Variants in OXCT1 observed in about 807,000 individuals in gnomAD.
OXCT1 encodes the protein succinyl-CoA:3-ketoacid coenzyme A transferase 1, mitochondrial.
OXCT1 carries 27 observed loss-of-function variants against 69.6 expected under a neutral mutation model. The observed-to-expected ratio is 0.39, with a 90% CI of 0.29 to 0.54. The LOEUF is 0.54. Ranked by LOEUF, OXCT1 falls within the 20% of genes least tolerant of loss-of-function variation. The probability of loss-of-function intolerance (pLI) is 0.72; values close to 1 mark genes in which losing one functional copy is unlikely to be tolerated. For synonymous variants in OXCT1, 202 were observed against 217.8 expected, an observed-to-expected ratio of 0.93 and a Z score of 0.64; for missense variants, 437 against 650.2, an observed-to-expected ratio of 0.67 and a Z score of 3.57.
chr5:41,825,038 C>T (rs867131641), intron 7 of OXCT1, among the ~76,000 whole-genome samples: 1 of 152,180 alleles, frequency 6.6e-6, no homozygotes, highest in South Asian at 2.1e-4. Context: ...AAATGAATCA[C>T]CCAGATCCTT....
At chr5:41,861,539 T>C (rs1449261722) in intron 2 of OXCT1, 135 bp from the exon 3 acceptor site, 3 of 709,930 alleles carry the variant, frequency 4.2e-6, no homozygotes, top group Non-Finnish European at 5.1e-6. Context: ...TACACAGATA[T>C]ATCTCAGCAG....
At chr5:41,806,152 T>C (rs1015470181) in intron 8 of OXCT1, among the ~76,000 whole-genome samples, 1 of 152,056 alleles carries the variant, frequency 6.6e-6, no homozygotes, top group African/African-American at 2.4e-5. Context: ...ACAGGAATCA[T>C]AGAAATACCC....
At chr5:41,782,547 TCTTTTG>T (rs1745459315) in intron 13 of OXCT1, among the ~76,000 whole-genome samples, 1 of 152,186 alleles carries the variant, frequency 6.6e-6, no homozygotes, top group African/African-American at 2.4e-5. Context: ...ATGTATGTCT[TCTTTTG>T]AGAAGTATCT....
chr5:41,787,566 A>G (rs1409716955), intron 13 of OXCT1, among the ~76,000 whole-genome samples: 1 of 142,644 alleles, frequency 7.0e-6, no homozygotes, highest in Non-Finnish European at 1.5e-5. Context: ...TTAGCAGAGT[A>G]TGAATATGTG....
At chr5:41,838,046 C>A (rs1240390173) in intron 7 of OXCT1, among the ~76,000 whole-genome samples, 3 of 152,182 alleles carry the variant, frequency 2.0e-5, no homozygotes, top group Non-Finnish European at 4.4e-5. Context: ...TTAATGATCC[C>A]TGAAGATTCC....
intron 13 of OXCT1, among the ~76,000 whole-genome samples, chr5:41,787,851 A>T (rs1431818828): frequency 6.6e-6 from 1 of 152,078 alleles, no homozygotes; most frequent in Non-Finnish European, 1.5e-5. Context: ...ATTGAAAAAG[A>T]TCAACCTGAG....
intron 14 of OXCT1, 152 bp from the exon 15 acceptor site, chr5:41,749,759 T>C: frequency 1.6e-6 from 1 of 636,312 alleles, no homozygotes; most frequent in Non-Finnish European, 2.8e-6. Flanking sequence ...TTTTTACTCT[T>C]TTTTTGGAGG....
chr5:41,860,706 G>A (rs1316155965), intron 3 of OXCT1, among the ~76,000 whole-genome samples: 1 of 152,028 alleles, frequency 6.6e-6, no homozygotes, highest in Non-Finnish European at 1.5e-5. Flanking sequence ...ATAAAAATAT[G>A]GCTTTTCCTA....
At chr5:41,793,549 G>A (rs1369076089) in intron 13 of OXCT1, among the ~76,000 whole-genome samples, 3 of 152,178 alleles carry the variant, frequency 2.0e-5, no homozygotes, top group Non-Finnish European at 4.4e-5. Context: ...TTCCATAGCA[G>A]AGGACAATGA....
chr5:41,843,666 T>A (rs1313963234), intron 5 of OXCT1: 5 of 452,338 alleles, frequency 1.1e-5, no homozygotes, highest in Non-Finnish European at 2.2e-5. Context: ...TGGAGCCATG[T>A]GAATGTAGAA....
Position 41,870,258 on chromosome 5 carries a change from C to A in OXCT1, c.78+23G>T. ...GGTCCACGTTCTTCCTGCCCATGGCCTTCCTCTTCCCCCGCACTTTACCTT... is the reference window on the plus strand; with the variant it reads ...GGTCCACGTTCTTCCTGCCCATGGCATTCCTCTTCCCCCGCACTTTACCTT... On this transcript the variant is annotated intron_variant, in intron 1 of 16. Coordinates refer to ENST00000196371, the MANE Select transcript of OXCT1 (RefSeq NM_000436.4). The surrounding 1 kb of genome is among the most constrained non-coding windows in gnomAD (Gnocchi z 4.2). The A allele has an allele frequency of 6.3e-7, 1 of 1,598,758 alleles. No individual in the cohort carries two copies. The highest frequency in any genetic ancestry group is 2.2e-5 in the East Asian group (1 of 44,766).
In OXCT1 at chr5:41,794,325, G is replaced by A. The variant is rs1013053000; in HGVS notation, c.1173-247C>T. Reference sequence around the variant, plus strand: ...ATGAACAGGTGTACACAGGAAGACTGTTTCCTTCAGTGAGGCAGAATGTGA... The same window carrying A: ...ATGAACAGGTGTACACAGGAAGACTATTTCCTTCAGTGAGGCAGAATGTGA... On this transcript the variant is annotated intron_variant, in intron 12 of 16. Coordinates refer to ENST00000196371, the MANE Select transcript of OXCT1 (RefSeq NM_000436.4). 1.3e-3 allele frequency: 753 copies of A among 594,810 alleles called. 4 individuals are homozygous for A. Among genetic ancestry groups the A allele is most frequent in the Non-Finnish European group, 5.7e-4 (192 of 335,802 alleles). The allele number at this position is 594,810 out of a possible 1,614,324, so 36.8% of individuals were successfully genotyped here.
At chr5:41,773,887 T>C (rs79680329) in intron 13 of OXCT1, among the ~76,000 whole-genome samples, 2,156 of 152,278 alleles carry the variant, frequency 0.014, 99 homozygotes, top group South Asian at 0.079. Flanking sequence ...TTAAAATCCC[T>C]GTGAATAAAA....
chr5:41,795,422 C>T (rs745666559), intron 11 of OXCT1, among the ~76,000 whole-genome samples: 18 of 151,642 alleles, frequency 1.2e-4, no homozygotes, highest in Admixed American at 3.3e-4. Context: ...ATTCCCTTCA[C>T]AATCCTCTGC....
chr5:41,785,655 A>G (rs1745605743), intron 13 of OXCT1, among the ~76,000 whole-genome samples: 1 of 152,200 alleles, frequency 6.6e-6, no homozygotes. Flanking sequence ...AACTGATAGA[A>G]GAGCTAGGGG....
chr5:41,803,264 T>G, intron 9 of OXCT1, 101 bp from the exon 10 acceptor site: 1 of 766,370 alleles, frequency 1.3e-6, no homozygotes, highest in South Asian at 1.5e-5. Flanking sequence ...TATTTAAAGG[T>G]GGCTTACTCT....
At chr5:41,751,748 TACAATTCCTGAG>T (rs1743796432) in intron 14 of OXCT1, among the ~76,000 whole-genome samples, 1 of 152,108 alleles carries the variant, frequency 6.6e-6, no homozygotes, top group Admixed American at 6.6e-5. Context: ...ATGGCCTAAA[TACAATTCCTGAG>T]ACACATAAAA....
chr5:41,857,592 T>C (rs1749491579), intron 3 of OXCT1, among the ~76,000 whole-genome samples: 1 of 151,620 alleles, frequency 6.6e-6, no homozygotes, highest in Non-Finnish European at 1.5e-5. Flanking sequence ...TTCCTCTGGC[T>C]CTCTCCCTGA....
intron 7 of OXCT1, among the ~76,000 whole-genome samples, chr5:41,839,456 A>G (rs1354508178): frequency 6.6e-6 from 1 of 152,236 alleles, no homozygotes; most frequent in Admixed American, 6.5e-5. Flanking sequence ...AAGACAGGTT[A>G]CACAGAAAGT....
Sources: allele counts gnomAD v4.1 joint callset (sites outside exome capture counted in the v4.1 genomes callset), GRCh38; gene constraint gnomAD v4.1.1; non-coding constraint Gnocchi (gnomAD v3.1); transcripts MANE v1.5; gene names NCBI Gene and HGNC (gene_info 2026-07-23, HGNC 2026-07-21).